The following CDK17 variants were observed in gnomAD, a reference collection of about 807,000 sequenced individuals.
CDK17 encodes cyclin dependent kinase 17, also known as cyclin-dependent kinase 17.
In CDK17, 24 loss-of-function variants were observed where a neutral mutation model predicts 77.6. The ratio of observed to expected loss-of-function variants is 0.31; its 90% CI spans 0.22 to 0.44. The LOEUF is 0.44. Among genes scored for constraint, CDK17 ranks in the 20% least tolerant of loss-of-function variants. The pLI, the probability that CDK17 is intolerant of heterozygous loss-of-function variation, is 1.00. For synonymous variants in CDK17, 203 were observed against 210.4 expected, an observed-to-expected ratio of 0.96 and a Z score of 0.30; for missense variants, 429 against 622.5, an observed-to-expected ratio of 0.69 and a Z score of 3.31.
intron 1 of CDK17, chr12:96,387,191 T>A: frequency 3.8e-6 from 1 of 262,698 alleles, no homozygotes; most frequent in Non-Finnish European, 7.9e-6. Flanking sequence ...CTCATGAGCT[T>A]CATCCTAGCA....
intron 2 of CDK17, among the ~76,000 whole-genome samples, chr12:96,326,501 A>G (rs1234280246): frequency 6.6e-6 from 1 of 152,254 alleles, no homozygotes; most frequent in Non-Finnish European, 1.5e-5. Context: ...TAAGTTGTGG[A>G]TAACAGGATA....
intron 1 of CDK17, among the ~76,000 whole-genome samples, chr12:96,344,932 A>C (rs1361990907): frequency 6.6e-6 from 1 of 152,160 alleles, no homozygotes; most frequent in Non-Finnish European, 1.5e-5. Flanking sequence ...TCACCTAGGT[A>C]TTAAGGCCAA....
chr12:96,384,228 CTAT>C (rs766059279), intron 1 of CDK17, among the ~76,000 whole-genome samples: 3 of 152,262 alleles, frequency 2.0e-5, no homozygotes, highest in South Asian at 4.1e-4. Flanking sequence ...GTCAGAATGG[CTAT>C]TATTAAAAAG....
intron 10 of CDK17, among the ~76,000 whole-genome samples, chr12:96,292,720 A>G (rs1438680393): frequency 1.3e-5 from 2 of 152,230 alleles, no homozygotes; most frequent in African/African-American, 4.8e-5. Context: ...TCAAACTCTC[A>G]GAATGCGGAA....
chr12:96,293,825 T>A (rs1029314383), intron 10 of CDK17, among the ~76,000 whole-genome samples: 4 of 152,226 alleles, frequency 2.6e-5, no homozygotes, highest in Non-Finnish European at 4.4e-5. Context: ...ATCGATCTCA[T>A]CAGAAAAGTC....
At chr12:96,323,854 G>A (rs1952857273) in intron 3 of CDK17, 94 bp downstream of exon 3, 1 of 865,612 alleles carries the variant, frequency 1.2e-6, no homozygotes, top group South Asian at 2.8e-5. Context: ...TCTGACAGAA[G>A]AAACGAGATA....
At chr12:96,365,082 T>G (rs1953561059) in intron 1 of CDK17, among the ~76,000 whole-genome samples, 1 of 152,156 alleles carries the variant, frequency 6.6e-6, no homozygotes, top group Non-Finnish European at 1.5e-5. Context: ...TCCATAAAAA[T>G]TAAAGAGTTT....
At position 96,334,851 on chromosome 12, in the gene CDK17, G is replaced by A; in HGVS notation, c.-15C>T. On this transcript the variant is annotated 5_prime_UTR_variant, in exon 2 of 17. Coordinates refer to ENST00000261211, the MANE Select transcript of CDK17 (RefSeq NM_002595.5). ...AATTTTTTCATCCTATCAATTGAATGTGGCTTGAAAAATCCTGAAAGAAAA... is the reference window on the plus strand; with the variant it reads ...AATTTTTTCATCCTATCAATTGAATATGGCTTGAAAAATCCTGAAAGAAAA... 3.0e-6 allele frequency: 4 copies of A among 1,328,680 alleles called. No homozygotes were observed. Among genetic ancestry groups the A allele is most frequent in the Non-Finnish European group, 4.3e-6 (4 of 921,320 alleles). 82.3% of individuals were successfully genotyped at this position (1,328,680 alleles called of 1,614,324 possible). A position where few individuals can be genotyped will look rare whatever the true frequency, so the allele number is the denominator to read the frequency against.
In CDK17 at chr12:96,284,203, G is replaced by A. The variant is rs1022474057; in HGVS notation, c.1323-558C>T. ...TCATCAATGGTGGCCAGGTGCAGTG[G>A]CTCACGCCTGTAATCCCAGCACTTT... On this transcript the variant is annotated intron_variant, in intron 13 of 16. Transcript: ENST00000261211. Among the ~76,000 whole-genome samples the A allele has an allele frequency of 2.6e-5, 4 of 152,136 alleles. No homozygotes were observed. The East Asian group carries it at 7.7e-4, about 29-fold the overall frequency.
intron 1 of CDK17, 121 bp from the exon 2 acceptor site, chr12:96,334,986 C>T (rs1462698963): frequency 4.4e-6 from 3 of 685,392 alleles, no homozygotes; most frequent in Admixed American, 4.2e-5. Context: ...CTCACTTCTG[C>T]CAAACATCAC....
intron 13 of CDK17, among the ~76,000 whole-genome samples, chr12:96,284,199 A>G (rs543837961): frequency 6.6e-6 from 1 of 152,282 alleles, no homozygotes; most frequent in South Asian, 2.1e-4. Flanking sequence ...GGCCAGGTGC[A>G]GTGGCTCACG....
At chr12:96,381,180 A>G (rs766341445) in intron 1 of CDK17, among the ~76,000 whole-genome samples, 25 of 152,240 alleles carry the variant, frequency 1.6e-4, no homozygotes, top group Non-Finnish European at 2.9e-4. Context: ...GGACATTCCA[A>G]GACAGTATAC....
chr12:96,350,990 G>A (rs917456008), intron 1 of CDK17, among the ~76,000 whole-genome samples: 4 of 151,988 alleles, frequency 2.6e-5, no homozygotes, highest in African/African-American at 9.7e-5. Flanking sequence ...CAACTCAACA[G>A]CAAAAAACAA....
intron 11 of CDK17, among the ~76,000 whole-genome samples, chr12:96,287,263 G>A (rs1952258810): frequency 6.6e-6 from 1 of 152,116 alleles, no homozygotes; most frequent in Non-Finnish European, 1.5e-5. Context: ...GGTAGAACAT[G>A]TTGGTACAAG....
rs191417180 is a variant in CDK17, at chr12:96,339,853, G to A, written c.-29-4988C>T. Among the ~76,000 whole-genome samples, 54 of 152,094 alleles carry A rather than the reference G, an allele frequency of 3.6e-4. No individual in the cohort carries two copies. In the East Asian group the frequency reaches 9.9e-3, roughly 28 times the overall value. On this transcript the variant is annotated intron_variant, in intron 1 of 16. Coordinates refer to ENST00000261211, the MANE Select transcript of CDK17 (RefSeq NM_002595.5). ...GAGGCATAAGAATCACTTGATCCCA[G>A]GGGGCAGAGGTTGCAGTGAGCTAGG...
chr12:96,358,150 TA>T (rs1953429882), intron 1 of CDK17, among the ~76,000 whole-genome samples: 1 of 152,014 alleles, frequency 6.6e-6, no homozygotes, highest in African/African-American at 2.4e-5. Flanking sequence ...TAATGCTTTT[TA>T]AAAATACAAA....
intron 1 of CDK17, among the ~76,000 whole-genome samples, chr12:96,363,604 T>C (rs904304659): frequency 6.6e-6 from 1 of 152,026 alleles, no homozygotes; most frequent in African/African-American, 2.4e-5. Context: ...TCCCAGCACT[T>C]TGGGAGGTCA....
rs551096785 is a variant in CDK17 at position 96,294,947 on chromosome 12, C to G, written c.997+52G>C. ...TTATGACAGTGGTTGATCTTTTAAC[C>G]ATTACACTTTAGAACCTGGAAGTAC... On this transcript the variant is annotated intron_variant, in intron 10 of 16. Coordinates refer to ENST00000261211, the MANE Select transcript of CDK17 (RefSeq NM_002595.5). 4.0e-6 allele frequency: 6 copies of G among 1,484,100 alleles called. No individual in the cohort carries two copies. In the African/African-American group the frequency reaches 8.5e-5, roughly 21 times the overall value. The allele number at this position is 1,484,100 out of a possible 1,614,324, so 91.9% of individuals were successfully genotyped here.
chr12:96,356,238 G>C (rs1425704260), intron 1 of CDK17, among the ~76,000 whole-genome samples: 1 of 152,084 alleles, frequency 6.6e-6, no homozygotes, highest in Non-Finnish European at 1.5e-5. Flanking sequence ...TCAAATAATA[G>C]CCCACATACT....
Sources: allele counts gnomAD v4.1 joint callset (sites outside exome capture counted in the v4.1 genomes callset), GRCh38; gene constraint gnomAD v4.1.1; transcripts MANE v1.5; gene names NCBI Gene and HGNC (gene_info 2026-07-23, HGNC 2026-07-21).